SPTBN1: variants seen among roughly 807,000 people sequenced by gnomAD.
SPTBN1 encodes spectrin beta, non-erythrocytic 1.
A neutral mutation model predicts 266.4 loss-of-function variants in SPTBN1; 32 were observed. That is an observed-to-expected ratio of 0.12 (90% CI 0.09 to 0.16). The LOEUF (loss-of-function observed/expected upper bound fraction) is 0.16, where lower values mean the gene tolerates loss of function less well. Among genes scored for constraint, SPTBN1 ranks in the 10% least tolerant of loss-of-function variants. The pLI is 1.00. For synonymous variants in SPTBN1, 1,336 were observed against 1,162.2 expected (o/e 1.15, Z -3.04); for missense variants, 2,296 against 3,067.1 (o/e 0.75, Z 5.94).
intron 3 of SPTBN1, among the ~76,000 whole-genome samples, chr2:54,610,992 G>A (rs976325050): frequency 6.6e-6 from 1 of 152,184 alleles, no homozygotes; most frequent in Non-Finnish European, 1.5e-5. Flanking sequence ...CATCACAGTA[G>A]GAGTTAGAGA....
intron 2 of SPTBN1, among the ~76,000 whole-genome samples, chr2:54,589,978 A>G (rs182288161): frequency 7.3e-4 from 111 of 152,364 alleles, no homozygotes; most frequent in African/African-American, 2.5e-3. Context: ...CAACAAATTA[A>G]GTCTTGTGAC....
chr2:54,660,224 T>A (rs1312280540), intron 32 of SPTBN1: 2 of 1,416,306 alleles, frequency 1.4e-6, no homozygotes, highest in Non-Finnish European at 1.8e-6. Context: ...TGCATTTAAT[T>A]CATGTTTGAG....
chr2:54,575,790 A>G (rs899436920), intron 2 of SPTBN1, among the ~76,000 whole-genome samples: 1 of 152,238 alleles, frequency 6.6e-6, no homozygotes, highest in African/African-American at 2.4e-5. Flanking sequence ...GAATCTGTCC[A>G]CAAACTTCTC....
intron 1 of SPTBN1, among the ~76,000 whole-genome samples, chr2:54,510,868 C>G (rs907393681): frequency 6.6e-6 from 1 of 152,172 alleles, no homozygotes; most frequent in Non-Finnish European, 1.5e-5. Context: ...GCTCTTATAC[C>G]TGATTGAAGA....
chr2:54,622,222 G>T, intron 8 of SPTBN1, 78 bp from the exon 9 acceptor site: 146 of 1,377,788 alleles, frequency 1.1e-4, no homozygotes, highest in Middle Eastern at 4.8e-4. Context: ...TTGTGTGCAT[G>T]CACTCGTATA....
intron 4 of SPTBN1, among the ~76,000 whole-genome samples, chr2:54,614,796 C>CAA (rs112685418): frequency 6.7e-5 from 8 of 119,542 alleles, no homozygotes; most frequent in African/African-American, 1.6e-4. Flanking sequence ...GAGACTGTCT[C>CAA]AAAAAAAAAA....
At chr2:54,500,830 G>T (rs553884507) in intron 1 of SPTBN1, among the ~76,000 whole-genome samples, 1 of 152,138 alleles carries the variant, frequency 6.6e-6, no homozygotes, top group African/African-American at 2.4e-5. Flanking sequence ...GAGTCACTGT[G>T]CCTGGCTGGC....
At chr2:54,485,578 A>G (rs901522910) in intron 1 of SPTBN1, among the ~76,000 whole-genome samples, 1 of 152,014 alleles carries the variant, frequency 6.6e-6, no homozygotes, top group Non-Finnish European at 1.5e-5. Context: ...TGGCCTCCCA[A>G]AGTGCCGAGA....
intron 7 of SPTBN1, among the ~76,000 whole-genome samples, chr2:54,618,956 C>G (rs1283299937): frequency 6.6e-6 from 1 of 152,130 alleles, no homozygotes; most frequent in African/African-American, 2.4e-5. Flanking sequence ...TAATAAAATC[C>G]TAATTCTGGG....
In SPTBN1 at chr2:54,649,543, G is replaced by C. The variant is rs1457919789; in HGVS notation, c.5203-72G>C. 1.3e-6 allele frequency: 2 copies of C among 1,543,422 alleles called. No individual in the cohort carries two copies. The highest frequency in any genetic ancestry group is 2.7e-5 in the African/African-American group (2 of 72,804). ...TGCTTAGAGGCAGTTTCTTTCCAAA[G>C]GGTATTCATGTGATCAAGAAATACA... On this transcript the variant is annotated intron_variant, in intron 25 of 35. Transcript: ENST00000356805. The surrounding 1 kb of genome is among the most constrained non-coding windows in gnomAD (Gnocchi z 6.7).
chr2:54,487,901 C>G (rs866601558), intron 1 of SPTBN1, among the ~76,000 whole-genome samples: 1 of 130,696 alleles, frequency 7.7e-6, no homozygotes, highest in Non-Finnish European at 1.5e-5. Flanking sequence ...ACGATCTCAG[C>G]TCACTGCAAG....
At chr2:54,666,395 G>A (rs889923167) in intron 34 of SPTBN1, among the ~76,000 whole-genome samples, 1 of 152,196 alleles carries the variant, frequency 6.6e-6, no homozygotes, top group African/African-American at 2.4e-5. Context: ...ACATTTCACA[G>A]TTTAAGGGAG....
At chr2:54,482,210 A>G (rs1245302611) in intron 1 of SPTBN1, among the ~76,000 whole-genome samples, 1 of 152,058 alleles carries the variant, frequency 6.6e-6, no homozygotes, top group African/African-American at 2.4e-5. Flanking sequence ...TCCCCTGAGG[A>G]GACTTAAAAA....
chr2:54,571,567 AC>A (rs1674083923), intron 2 of SPTBN1, among the ~76,000 whole-genome samples: 2 of 31,458 alleles, frequency 6.4e-5, no homozygotes, highest in Non-Finnish European at 1.4e-4. Context: ...ACACACACAC[AC>A]ACACACATAC....
At chr2:54,652,357 G>C (rs961040809) in intron 26 of SPTBN1, among the ~76,000 whole-genome samples, 1 of 152,140 alleles carries the variant, frequency 6.6e-6, no homozygotes, top group Admixed American at 6.5e-5. Flanking sequence ...TATTATGCAC[G>C]TTGTCTTCCA....
Position 54,629,691 on chromosome 2 carries a change from A to G in SPTBN1, c.2557A>G (p.Lys853Glu). 1 of 1,613,818 alleles carries G rather than the reference A, an allele frequency of 6.2e-7. No homozygotes were observed. Reference sequence around the variant, plus strand: ...ACTCCAGGACACTCTGGCCCTGTACAAGATGTTCAGCGAGGCTGATGCCTG... The same window carrying G: ...ACTCCAGGACACTCTGGCCCTGTACGAGATGTTCAGCGAGGCTGATGCCTG... Reference protein sequence around the residue: ...QALQDTLALYKMFSEADACEL... With the variant: ...QALQDTLALYEMFSEADACEL... Residue 853 changes from lysine (K) to glutamate (E), a missense_variant, in exon 14 of 36, where the codon AAG becomes GAG. By Grantham distance (56) the Lys-to-Glu change is moderately conservative. This residue lies in a region of SPTBN1 where 434 missense variants were observed against 573.9 expected (regional missense o/e 0.76). Transcript: ENST00000356805.
At chr2:54,547,712 G>T (rs892667814) in intron 2 of SPTBN1, among the ~76,000 whole-genome samples, 1 of 151,900 alleles carries the variant, frequency 6.6e-6, no homozygotes, top group Non-Finnish European at 1.5e-5. Flanking sequence ...AATTAAAAGG[G>T]TAATGGTGAT....
intron 1 of SPTBN1, among the ~76,000 whole-genome samples, chr2:54,483,921 A>T (rs1424057048): frequency 6.6e-6 from 1 of 152,150 alleles, no homozygotes. Flanking sequence ...GGGGCTGGGC[A>T]TGGTAGCTCA....
chr2:54,481,391 A>AGAGTGT (rs1455743105), intron 1 of SPTBN1, among the ~76,000 whole-genome samples: 148 of 117,408 alleles, frequency 1.3e-3, no homozygotes, highest in African/African-American at 4.8e-3. Flanking sequence ...CAGAAACCTG[A>AGAGTGT]GTGTGTGTGT....
Sources: allele counts gnomAD v4.1 joint callset (sites outside exome capture counted in the v4.1 genomes callset), GRCh38; gene constraint gnomAD v4.1.1; regional missense constraint gnomAD v4.1.1; non-coding constraint Gnocchi (gnomAD v3.1); transcripts MANE v1.5; gene names NCBI Gene and HGNC (gene_info 2026-07-23, HGNC 2026-07-21).